CNTN1: variants seen among roughly 807,000 people sequenced by gnomAD.
CNTN1 encodes contactin-1.
CNTN1 carries 38 observed loss-of-function variants against 126.4 expected under a neutral mutation model. That is an observed-to-expected ratio of 0.30 (90% confidence interval 0.23 to 0.39). The LOEUF (loss-of-function observed/expected upper bound fraction) is 0.39. Ranked by LOEUF, CNTN1 falls within the 10% of genes least tolerant of loss-of-function variation. The pLI is 1.00. For synonymous variants in CNTN1, 413 were observed against 422.6 expected (o/e 0.98, Z 0.28); for missense variants, 1,009 against 1,248.4 (o/e 0.81, Z 2.89).
intron 1 of CNTN1, among the ~76,000 whole-genome samples, chr12:40,847,142 A>C (rs2136604302): frequency 6.6e-6 from 1 of 152,286 alleles, no homozygotes; most frequent in South Asian, 2.1e-4. Context: ...CTGGGATGAC[A>C]GGCGTGAGCG....
At chr12:40,739,649 A>G (rs182524757) in intron 1 of CNTN1, among the ~76,000 whole-genome samples, 1 of 152,050 alleles carries the variant, frequency 6.6e-6, no homozygotes. Flanking sequence ...CATATCTGTA[A>G]TGTTTTATTT....
intron 1 of CNTN1, among the ~76,000 whole-genome samples, chr12:40,692,944 G>T (rs1388625431): frequency 1.3e-5 from 2 of 152,214 alleles, no homozygotes; most frequent in Non-Finnish European, 2.9e-5. Context: ...GCAGGGGAGG[G>T]GTGGGGAAGC....
At chr12:40,702,414 T>A (rs2121117082) in intron 1 of CNTN1, among the ~76,000 whole-genome samples, 1 of 152,324 alleles carries the variant, frequency 6.6e-6, no homozygotes. Flanking sequence ...ATAGTTCTCC[T>A]ATGCATGTTT....
intron 1 of CNTN1, among the ~76,000 whole-genome samples, chr12:40,807,067 G>C (rs932052388): frequency 1.3e-5 from 2 of 151,976 alleles, no homozygotes; most frequent in Non-Finnish European, 2.9e-5. Context: ...ACAGAATAGT[G>C]ATAATTCATA....
intron 6 of CNTN1, among the ~76,000 whole-genome samples, chr12:40,927,446 G>A (rs1241010925): frequency 2.0e-5 from 3 of 152,046 alleles, no homozygotes; most frequent in African/African-American, 7.2e-5. Context: ...GTGATGGTGG[G>A]TGGGGAAAGA....
chr12:40,975,566 G>T (rs1947650857), intron 15 of CNTN1, among the ~76,000 whole-genome samples: 1 of 152,002 alleles, frequency 6.6e-6, no homozygotes, highest in African/African-American at 2.4e-5. Flanking sequence ...ATGCCCCATA[G>T]GTGAAATTTT....
At chr12:40,983,313 ATGT>A (rs1176930924) in intron 16 of CNTN1, among the ~76,000 whole-genome samples, 1 of 152,010 alleles carries the variant, frequency 6.6e-6, no homozygotes, top group Non-Finnish European at 1.5e-5. Context: ...TTAACATTTA[ATGT>A]TATTATTGAT....
At chr12:40,929,748 A>T (rs1945817873) in intron 6 of CNTN1, 48 bp from the exon 7 acceptor site, 2 of 1,407,476 alleles carry the variant, frequency 1.4e-6, no homozygotes, top group Non-Finnish European at 2.0e-6. Context: ...ATTATGTAAC[A>T]ACTTTGGGAG....
rs534897695 is a variant in CNTN1 at position 40,910,655 on chromosome 12, G to T, written c.94+550G>T. On this transcript the variant is annotated intron_variant, in intron 3 of 23. Coordinates refer to ENST00000551295, the MANE Select transcript of CNTN1 (RefSeq NM_001843.4). ...TCTAGAGTAAGACCAGCCTGAATTTGCATTTTCAGCTCAGTACTTACTAGA... is the reference window on the plus strand; with the variant it reads ...TCTAGAGTAAGACCAGCCTGAATTTTCATTTTCAGCTCAGTACTTACTAGA... Among the ~76,000 whole-genome samples, 5 of 152,270 alleles carry T rather than the reference G, an allele frequency of 3.3e-5. No homozygotes were observed. The East Asian group carries it at 9.6e-4, about 29-fold the overall frequency.
chr12:40,777,990 T>C (rs1331206122), intron 1 of CNTN1, among the ~76,000 whole-genome samples: 4 of 151,860 alleles, frequency 2.6e-5, no homozygotes, highest in African/African-American at 9.7e-5. Flanking sequence ...GTCCTTACGC[T>C]AATGTAAAGG....
intron 17 of CNTN1, among the ~76,000 whole-genome samples, chr12:41,000,894 T>C (rs1314496411): frequency 6.6e-6 from 1 of 152,218 alleles, no homozygotes; most frequent in African/African-American, 2.4e-5. Flanking sequence ...TTTGGTTTTC[T>C]GTTCTTGCAC....
chr12:40,724,158 T>G (rs1942290082), intron 1 of CNTN1, among the ~76,000 whole-genome samples: 1 of 152,230 alleles, frequency 6.6e-6, no homozygotes, highest in Non-Finnish European at 1.5e-5. Context: ...AACCTCTAAA[T>G]GTAACATGTA....
intron 1 of CNTN1, among the ~76,000 whole-genome samples, chr12:40,873,854 G>T (rs1443760554): frequency 6.6e-6 from 1 of 151,960 alleles, no homozygotes; most frequent in Non-Finnish European, 1.5e-5. Flanking sequence ...AACTAAATAT[G>T]TAACAATAGC....
chr12:40,699,758 T>TTAA (rs1555141850), intron 1 of CNTN1, among the ~76,000 whole-genome samples: 4 of 146,286 alleles, frequency 2.7e-5, no homozygotes, highest in Non-Finnish European at 6.0e-5. Flanking sequence ...CATTTACAGA[T>TTAA]AAAAAAAAAA....
chr12:40,778,765 T>A lies in CNTN1; in HGVS notation c.-77+86173T>A, dbSNP rs567436103. ...TTGGAACTACATAGAAAATATTTCC[T>A]ATAAGAAATTGGCTCTCAACGACTG... On this transcript the variant is annotated intron_variant, in intron 1 of 23. Coordinates refer to ENST00000551295, the MANE Select transcript of CNTN1 (RefSeq NM_001843.4). Among the ~76,000 whole-genome samples the A allele has an allele frequency of 9.2e-5, 14 of 151,958 alleles. 1 individual carries two copies. The highest frequency in any genetic ancestry group is 3.4e-4 in the African/African-American group (14 of 41,524).
intron 1 of CNTN1, among the ~76,000 whole-genome samples, chr12:40,798,632 C>T (rs781505482): frequency 2.0e-5 from 3 of 151,838 alleles, no homozygotes; most frequent in Non-Finnish European, 4.4e-5. Context: ...AGCAGACTAA[C>T]ACAGGAACAG....
At chr12:40,749,904 A>C (rs1056371529) in intron 1 of CNTN1, among the ~76,000 whole-genome samples, 4 of 151,970 alleles carry the variant, frequency 2.6e-5, no homozygotes, top group Non-Finnish European at 4.4e-5. Context: ...TATTTTACGT[A>C]TGTGGTTAGG....
At chr12:41,055,450 A>T (rs918436345) in intron 23 of CNTN1, among the ~76,000 whole-genome samples, 1 of 151,946 alleles carries the variant, frequency 6.6e-6, no homozygotes, top group Non-Finnish European at 1.5e-5. Context: ...TTCTGCTGCC[A>T]CCTGGAAGTA....
chr12:40,840,018 T>G (rs1331858728), intron 1 of CNTN1, among the ~76,000 whole-genome samples: 1 of 152,014 alleles, frequency 6.6e-6, no homozygotes, highest in African/African-American at 2.4e-5. Flanking sequence ...TAAATATAAA[T>G]GAACTAAATT....
Sources: gnomAD v4.1 joint callset for allele counts (sites outside exome capture counted in the v4.1 genomes callset) on GRCh38, gnomAD v4.1.1 for gene constraint, MANE v1.5 for transcripts, NCBI Gene and HGNC (gene_info 2026-07-23, HGNC 2026-07-21) for gene names.